Variants in ZFPM2 observed in about 807,000 individuals in gnomAD.
The protein encoded by ZFPM2 is zinc finger protein, FOG family member 2, also known as zinc finger protein ZFPM2.
In ZFPM2, 20 loss-of-function variants were observed where a neutral mutation model predicts 98.6. The observed-to-expected ratio is 0.20, with a 90% confidence interval of 0.14 to 0.29. ZFPM2 has a LOEUF of 0.29. ZFPM2 is among the 10% of genes least tolerant of loss of function. The pLI is 1.00. For missense variants in ZFPM2, 1,310 were observed against 1,388.6 expected (o/e 0.94, Z 0.90); for synonymous variants, 518 against 502.7 (o/e 1.03, Z -0.41).
chr8:105,629,303 A>AG (rs1216028299), intron 4 of ZFPM2, among the ~76,000 whole-genome samples: 1 of 152,232 alleles, frequency 6.6e-6, no homozygotes, highest in African/African-American at 2.4e-5. Context: ...TGAAGGGGTC[A>AG]GGGAAATATC....
intron 1 of ZFPM2, among the ~76,000 whole-genome samples, chr8:105,337,821 C>T (rs1323609251): frequency 6.6e-6 from 1 of 151,064 alleles, no homozygotes; most frequent in Non-Finnish European, 1.5e-5. Context: ...TATAAGACTG[C>T]AAATTTTGTG....
chr8:105,546,842 A>G (rs1814717129), intron 3 of ZFPM2, among the ~76,000 whole-genome samples: 1 of 152,170 alleles, frequency 6.6e-6, no homozygotes, highest in Non-Finnish European at 1.5e-5. Context: ...GGAGTATATA[A>G]TTCCCACTTT....
At chr8:105,431,923 A>AAAAAAAAAAAAAAG (rs550104020) in intron 2 of ZFPM2, among the ~76,000 whole-genome samples, 3 of 151,548 alleles carry the variant, frequency 2.0e-5, no homozygotes, top group Admixed American at 6.6e-5. Flanking sequence ...CTGTGTCTCA[A>AAAAAAAAAAAAAAG]AAAAAAGAAA....
intron 3 of ZFPM2, among the ~76,000 whole-genome samples, chr8:105,490,456 G>C (rs1813335589): frequency 6.6e-6 from 1 of 152,160 alleles, no homozygotes; most frequent in Non-Finnish European, 1.5e-5. Flanking sequence ...CTGTAGTCCA[G>C]AATAATAGTC....
At chr8:105,546,931 C>T (rs1191482971) in intron 3 of ZFPM2, among the ~76,000 whole-genome samples, 1 of 152,150 alleles carries the variant, frequency 6.6e-6, no homozygotes, top group East Asian at 1.9e-4. Context: ...TTATTATCTA[C>T]ATATACAGTT....
intron 1 of ZFPM2, among the ~76,000 whole-genome samples, chr8:105,346,557 C>T (rs1423866405): frequency 6.6e-6 from 1 of 152,032 alleles, no homozygotes; most frequent in Non-Finnish European, 1.5e-5. Context: ...TATATGTGTG[C>T]AATACATATT....
intron 3 of ZFPM2, among the ~76,000 whole-genome samples, chr8:105,490,825 AC>A (rs1207967810): frequency 6.6e-6 from 1 of 152,210 alleles, no homozygotes; most frequent in African/African-American, 2.4e-5. Flanking sequence ...TGTACAAAAT[AC>A]AGTACTTGCA....
At chr8:105,632,010 C>T (rs985048005) in intron 4 of ZFPM2, among the ~76,000 whole-genome samples, 7 of 152,064 alleles carry the variant, frequency 4.6e-5, no homozygotes, top group South Asian at 2.1e-4. Flanking sequence ...GTTTTGAAAT[C>T]GATTATGTAA....
chr8:105,624,642 GA>G (rs1430323249), intron 4 of ZFPM2, among the ~76,000 whole-genome samples: 3 of 152,192 alleles, frequency 2.0e-5, no homozygotes, highest in East Asian at 3.9e-4. Context: ...ATCATGAAAT[GA>G]TATTTGGAAG....
At chr8:105,523,099 G>A (rs991582996) in intron 3 of ZFPM2, among the ~76,000 whole-genome samples, 1 of 152,070 alleles carries the variant, frequency 6.6e-6, no homozygotes, top group African/African-American at 2.4e-5. Context: ...TCTGAAATGG[G>A]CTTAAAATTA....
chr8:105,700,783 A>C (rs558021423), intron 5 of ZFPM2, among the ~76,000 whole-genome samples: 1 of 152,128 alleles, frequency 6.6e-6, no homozygotes, highest in South Asian at 2.1e-4. Flanking sequence ...TTTACTAGAG[A>C]CTGGGTTTCA....
chr8:105,519,007 A>T (rs1813996440), intron 3 of ZFPM2, among the ~76,000 whole-genome samples: 7 of 152,200 alleles, frequency 4.6e-5, no homozygotes, highest in Admixed American at 4.6e-4. Flanking sequence ...TAGCCAACAT[A>T]TATTTGGTGC....
chr8:105,403,119 A>G (rs1189350318), intron 1 of ZFPM2, among the ~76,000 whole-genome samples: 2 of 152,068 alleles, frequency 1.3e-5, no homozygotes, highest in Non-Finnish European at 2.9e-5. Flanking sequence ...TATAACAAAG[A>G]TAAACTTAGT....
intron 4 of ZFPM2, among the ~76,000 whole-genome samples, chr8:105,613,412 A>T (rs928638259): frequency 6.6e-6 from 1 of 152,182 alleles, no homozygotes; most frequent in African/African-American, 2.4e-5. Flanking sequence ...TCAGAAGCTG[A>T]TGAATTTTAG....
chr8:105,648,308 T>C (rs973005795), intron 5 of ZFPM2, among the ~76,000 whole-genome samples: 5 of 152,196 alleles, frequency 3.3e-5, no homozygotes, highest in African/African-American at 9.6e-5. Context: ...ATTGCAAAAA[T>C]GTTCTCCCAT....
At chr8:105,650,404 C>A (rs1264165216) in intron 5 of ZFPM2, among the ~76,000 whole-genome samples, 1 of 152,098 alleles carries the variant, frequency 6.6e-6, no homozygotes, top group Non-Finnish European at 1.5e-5. Context: ...TTAGTTATTT[C>A]TTGCCTTCTG....
chr8:105,621,333 T>C (rs1816540007), intron 4 of ZFPM2, among the ~76,000 whole-genome samples: 1 of 152,178 alleles, frequency 6.6e-6, no homozygotes, highest in Non-Finnish European at 1.5e-5. Flanking sequence ...TGTTTGTCTG[T>C]TATTAGTGTA....
chr8:105,470,945 A>T, intron 3 of ZFPM2, among the ~76,000 whole-genome samples: 1 of 152,200 alleles, frequency 6.6e-6, no homozygotes, highest in East Asian at 1.9e-4. Flanking sequence ...AATATTTCAT[A>T]TAAAATAATG....
At chr8:105,755,918 A>C (rs191007637) in intron 5 of ZFPM2, among the ~76,000 whole-genome samples, 2 of 152,280 alleles carry the variant, frequency 1.3e-5, no homozygotes, top group Admixed American at 6.5e-5. Context: ...TGATATGGCT[A>C]TCTGTCTTAA....
Sources: gnomAD v4.1 joint callset for allele counts (sites outside exome capture counted in the v4.1 genomes callset) on GRCh38, gnomAD v4.1.1 for gene constraint, MANE v1.5 for transcripts, NCBI Gene and HGNC (gene_info 2026-07-23, HGNC 2026-07-21) for gene names.